Variants in ACOXL observed in about 807,000 individuals in gnomAD.
The protein encoded by ACOXL is acyl-CoA oxidase like.
A neutral mutation model predicts 71.9 loss-of-function variants in ACOXL; 70 were observed. The ratio of observed to expected loss-of-function variants is 0.97; its 90% CI spans 0.80 to 1.19. The LOEUF is 1.19. ACOXL is among the 50% of genes most tolerant of loss of function. The pLI, the probability that ACOXL is intolerant of heterozygous loss-of-function variation, is 0.00. For synonymous variants in ACOXL, 253 were observed against 281.6 expected, an observed-to-expected ratio of 0.90 and a Z score of 1.02; for missense variants, 703 against 736.3, an observed-to-expected ratio of 0.95 and a Z score of 0.52.
intron 3 of ACOXL, among the ~76,000 whole-genome samples, chr2:110,788,533 T>G: frequency 6.6e-6 from 1 of 152,046 alleles, no homozygotes; most frequent in East Asian, 1.9e-4. Context: ...TTTTTTGGGA[T>G]GATGAAAAAG....
intron 12 of ACOXL, among the ~76,000 whole-genome samples, chr2:110,961,461 A>G (rs1270424966): frequency 6.6e-6 from 1 of 152,170 alleles, no homozygotes; most frequent in Non-Finnish European, 1.5e-5. Flanking sequence ...AGATTGCCTG[A>G]CTTCCAGGGC....
At chr2:111,084,258 TACACACACACACACACACACACACAC>T (rs61263209) in intron 16 of ACOXL, among the ~76,000 whole-genome samples, 1 of 134,924 alleles carries the variant, frequency 7.4e-6, no homozygotes, top group Non-Finnish European at 1.6e-5. Flanking sequence ...ATCTAAGGAA[TACACACACACACACACACACACACAC>T]ACACACACAC....
At chr2:111,036,664 T>G (rs1318606438) in intron 15 of ACOXL, 1 of 152,246 alleles carries the variant, frequency 6.6e-6, no homozygotes, top group Non-Finnish European at 1.5e-5. Flanking sequence ...GTGTGATGGC[T>G]GGGAGCAGCC....
At chr2:110,887,851 T>C (rs1697485035) in intron 10 of ACOXL, 1 of 152,256 alleles carries the variant, frequency 6.6e-6, no homozygotes, top group South Asian at 2.1e-4. Flanking sequence ...CAGGTTTTGC[T>C]GTTTCTTTCT....
At chr2:111,005,780 A>G (rs147929340) in intron 14 of ACOXL, among the ~76,000 whole-genome samples, 345 of 152,258 alleles carry the variant, frequency 2.3e-3, no homozygotes, top group Non-Finnish European at 4.0e-3. Context: ...ATGTCCACCA[A>G]TCAGGGATCT....
intron 10 of ACOXL, among the ~76,000 whole-genome samples, chr2:110,903,541 G>A (rs2059328331): frequency 6.6e-6 from 1 of 152,178 alleles, no homozygotes; most frequent in Non-Finnish European, 1.5e-5. Context: ...AAAAATTTGA[G>A]CTAAGTGACT....
chr2:110,896,235 AAG>A (rs1216605973), intron 10 of ACOXL, among the ~76,000 whole-genome samples: 1 of 152,192 alleles, frequency 6.6e-6, no homozygotes, highest in Non-Finnish European at 1.5e-5. Flanking sequence ...AACCTATACA[AAG>A]AGATATACTC....
At chr2:111,006,975 A>C (rs1423401914) in intron 14 of ACOXL, among the ~76,000 whole-genome samples, 1 of 152,138 alleles carries the variant, frequency 6.6e-6, no homozygotes, top group Non-Finnish European at 1.5e-5. Context: ...AGCATCCTTA[A>C]ATTCTCTTCC....
chr2:110,761,986 A>T (rs1680456338), intron 1 of ACOXL, among the ~76,000 whole-genome samples: 1 of 151,944 alleles, frequency 6.6e-6, no homozygotes, highest in Non-Finnish European at 1.5e-5. Context: ...ACATCTTGTG[A>T]TTTATCAGTT....
At chr2:111,005,462 A>G (rs966685601) in intron 14 of ACOXL, among the ~76,000 whole-genome samples, 15 of 152,200 alleles carry the variant, frequency 9.9e-5, no homozygotes, top group African/African-American at 3.6e-4. Flanking sequence ...GTATAGAAAA[A>G]TGACTGCCGC....
chr2:110,877,822 G>A (rs1258720338), intron 10 of ACOXL, among the ~76,000 whole-genome samples: 4 of 152,204 alleles, frequency 2.6e-5, no homozygotes, highest in Non-Finnish European at 5.9e-5. Context: ...GCCTGCTGGC[G>A]TCTCACCCAC....
intron 10 of ACOXL, among the ~76,000 whole-genome samples, chr2:110,878,363 A>T (rs1696189201): frequency 6.6e-6 from 1 of 152,274 alleles, no homozygotes; most frequent in Non-Finnish European, 1.5e-5. Flanking sequence ...AGAAGAAATT[A>T]TGCCTAATAC....
chr2:110,902,283 A>G (rs949712851), intron 10 of ACOXL, among the ~76,000 whole-genome samples: 2 of 152,172 alleles, frequency 1.3e-5, no homozygotes, highest in African/African-American at 4.8e-5. Flanking sequence ...CAGCCTGGAC[A>G]ACGTGATGAA....
chr2:111,056,889 C>A (rs910712968), intron 16 of ACOXL, among the ~76,000 whole-genome samples: 15 of 152,082 alleles, frequency 9.9e-5, no homozygotes, highest in South Asian at 2.1e-4. Context: ...CTGGCATGGT[C>A]CCTCTTCGGA....
intron 3 of ACOXL, among the ~76,000 whole-genome samples, chr2:110,792,383 C>T (rs368931321): frequency 8.2e-4 from 125 of 152,330 alleles, no homozygotes; most frequent in African/African-American, 1.9e-3. Context: ...TCCTTCCAAA[C>T]GGCCCTGCTC....
At chr2:110,954,623 C>T (rs2061433496) in intron 12 of ACOXL, among the ~76,000 whole-genome samples, 1 of 152,222 alleles carries the variant, frequency 6.6e-6, no homozygotes, top group South Asian at 2.1e-4. Context: ...AGCTCCCACC[C>T]TCTAAACTAT....
intron 13 of ACOXL, among the ~76,000 whole-genome samples, chr2:110,990,384 CTG>C (rs2063124158): frequency 6.6e-6 from 1 of 152,148 alleles, no homozygotes; most frequent in African/African-American, 2.4e-5. Flanking sequence ...ATAAATCTGA[CTG>C]TAAAGAAATT....
chr2:110,925,394 T>C (rs1429612505), intron 11 of ACOXL, among the ~76,000 whole-genome samples: 1 of 152,258 alleles, frequency 6.6e-6, no homozygotes, highest in African/African-American at 2.4e-5. Flanking sequence ...CTGTAATCAC[T>C]GATTTTAGCT....
At chr2:110,798,531 C>T in intron 5 of ACOXL, 79 bp from the exon 6 acceptor site, 2 of 1,162,982 alleles carry the variant, frequency 1.7e-6, no homozygotes, top group Non-Finnish European at 2.6e-6. Context: ...GCTGGGATTA[C>T]AGTATTCATT....
Sources: allele counts gnomAD v4.1 joint callset (sites outside exome capture counted in the v4.1 genomes callset), GRCh38; gene constraint gnomAD v4.1.1; transcripts MANE v1.5; gene names NCBI Gene and HGNC (gene_info 2026-07-23, HGNC 2026-07-21).